Variants in HRAS observed in about 807,000 individuals in gnomAD.
HRAS encodes the protein GTPase HRas.
A neutral mutation model predicts 19.8 loss-of-function variants in HRAS; 11 were observed. That is an observed-to-expected ratio of 0.55 (90% CI 0.35 to 0.92). The LOEUF (loss-of-function observed/expected upper bound fraction) is 0.92, where lower values mean the gene tolerates loss of function less well. HRAS is among the 40% of genes least tolerant of loss of function. The probability of loss-of-function intolerance (pLI) is 0.01; values close to 1 mark genes in which losing one functional copy is unlikely to be tolerated. For synonymous variants in HRAS, 149 were observed against 105.5 expected (o/e 1.41, Z -2.52); for missense variants, 204 against 255.9 (o/e 0.80, Z 1.38).
chr11:532,882 G>A, intron 4 of HRAS, 127 bp from the exon 5 acceptor site: 2 of 912,928 alleles, frequency 2.2e-6, no homozygotes, highest in Non-Finnish European at 3.5e-6. Context: ...ACTTCCCCAG[G>A]CCCACCACAC....
intron 4 of HRAS, among the ~76,000 whole-genome samples, chr11:532,966 G>C (rs970285163): frequency 2.6e-5 from 4 of 152,196 alleles, no homozygotes; most frequent in Non-Finnish European, 5.9e-5. Context: ...GCCCCTCAAA[G>C]GTCAGGGTGG....
chr11:534,537 C>G (rs973701938), intron 1 of HRAS, 162 bp from the exon 2 acceptor site: 5 of 595,976 alleles, frequency 8.4e-6, no homozygotes, highest in Admixed American at 5.9e-5. Flanking sequence ...TGCAACCCAG[C>G]GTGCGGGAGG....
chr11:532,950 A>C (rs2133983474), intron 4 of HRAS, among the ~76,000 whole-genome samples, 195 bp from the exon 5 acceptor site: 2 of 152,270 alleles, frequency 1.3e-5, no homozygotes, highest in African/African-American at 2.4e-5. Flanking sequence ...GCATCATGCT[A>C]CAGCAGCCCC....
intron 4 of HRAS, 41 bp downstream of exon 4, chr11:533,412 G>A (rs747626031): frequency 4.3e-6 from 7 of 1,609,628 alleles, no homozygotes; most frequent in Middle Eastern, 1.7e-4. Context: ...GGCGGGGCGG[G>A]GCGGGTCCCT....
At chr11:534,657 G>A (rs1851344554) in intron 1 of HRAS, 1 of 422,240 alleles carries the variant, frequency 2.4e-6, no homozygotes, top group African/African-American at 2.0e-5. Context: ...ACCCAAATTA[G>A]AAGCTGCTGG....
In HRAS at chr11:533,774, G is replaced by A. The variant is rs375893752; in HGVS notation, c.282C>T (p.His94=). 1.7e-5 allele frequency: 28 copies of A among 1,613,328 alleles called. No homozygotes were observed. Among genetic ancestry groups the A allele is most frequent in the Non-Finnish European group, 2.2e-5 (26 of 1,179,994 alleles). ...AGCCTCACGGGGTTCACCTGTACTG[G>A]TGGATGTCCTCAAAAGACTTGGTGT... ...INNTKSFEDI[H]QYREQIKRVK... Residue 94 remains histidine (H), a synonymous_variant, in exon 3 of 6, where the codon CAC becomes CAT. Coordinates refer to ENST00000311189, the MANE Select transcript of HRAS (RefSeq NM_005343.4).
intron 4 of HRAS, 100 bp downstream of exon 4, chr11:533,353 G>A (rs1310647370): frequency 1.9e-6 from 3 of 1,606,372 alleles, no homozygotes; most frequent in Non-Finnish European, 8.5e-7. Context: ...AGCCAGAGCG[G>A]CTGCCCTGTG....
intron 4 of HRAS, chr11:533,146 G>A (rs573350498): frequency 2.3e-5 from 19 of 833,710 alleles, no homozygotes; most frequent in Middle Eastern, 3.6e-4. Context: ...TCACCGCTCC[G>A]GCCTGGCTCA....
rs1190177243 is a variant in HRAS, at chr11:533,751, C to G, written c.290+15G>C. 1 of 1,613,106 alleles carries G rather than the reference C, an allele frequency of 6.2e-7. No homozygotes were observed. Among genetic ancestry groups the G allele is most frequent in the Non-Finnish European group, 8.5e-7 (1 of 1,179,902 alleles). ...TGTGCGGCGTGGGCTCCCGGGCCAG[C>G]CTCACGGGGTTCACCTGTACTGGTG... is the stretch of plus-strand genomic sequence containing the variant. On this transcript the variant is annotated intron_variant, in intron 3 of 5. Transcript: ENST00000311189.
At chr11:532,814 G>A (rs948778387) in intron 4 of HRAS, 59 bp from the exon 5 acceptor site, 78 of 1,552,018 alleles carry the variant, frequency 5.0e-5, no homozygotes, top group South Asian at 4.0e-4. Context: ...CCTGGGTGAG[G>A]GGCTCCCTGC....
At chr11:533,364 TC>T in intron 4 of HRAS, 88 bp downstream of exon 4, 1 of 1,607,074 alleles carries the variant, frequency 6.2e-7, no homozygotes. Flanking sequence ...CTGCCCTGTG[TC>T]AAGGGAGAGG....
At chr11:533,684 G>A (rs1306708043) in intron 3 of HRAS, 72 bp from the exon 4 acceptor site, 7 of 1,611,308 alleles carry the variant, frequency 4.3e-6, no homozygotes, top group South Asian at 1.1e-5. Flanking sequence ...GCGCAGAGAG[G>A]ACAGGAGGCC....
In HRAS at chr11:534,372, C is replaced by T. The variant is rs775464454; in HGVS notation, c.-50G>A. 2.7e-6 allele frequency: 4 copies of T among 1,470,660 alleles called. No individual in the cohort carries two copies. Among genetic ancestry groups the T allele is most frequent in the Non-Finnish European group, 3.8e-6 (4 of 1,064,226 alleles). The allele number at this position is 1,470,660 out of a possible 1,614,324, so 91.1% of individuals were successfully genotyped here. On this transcript the variant is annotated 5_prime_UTR_variant, in exon 2 of 6. The change creates a premature stop within an existing upstream ORF in the 5' untranslated region. Coordinates refer to ENST00000311189, the MANE Select transcript of HRAS (RefSeq NM_005343.4). ...GGGTCCTCCTACAGGGTCTCCTGCC[C>T]CACCTGCCAAGGAGGGCCCTGCTCA...
In HRAS at chr11:532,763, A is replaced by G. The variant is rs373444310; in HGVS notation, c.451-8T>C. On this transcript the variant is annotated splice_polypyrimidine_tract_variant and splice_region_variant and intron_variant, in intron 4 of 5. Transcript: ENST00000311189. Reference sequence around the variant, plus strand: ...GAAGGCATCCTCCACTCCCTGGGAAAGGAGGGATGGGATCAGGAGGGACCG... The same window carrying G: ...GAAGGCATCCTCCACTCCCTGGGAAGGGAGGGATGGGATCAGGAGGGACCG... The G allele has an allele frequency of 2.4e-5, 39 of 1,611,940 alleles. No individual in the cohort carries two copies. The highest frequency in any genetic ancestry group is 3.3e-5 in the Non-Finnish European group (39 of 1,179,772).
In HRAS at chr11:535,509, T is replaced by A. The variant is rs972773673; in HGVS notation, c.-147A>T. ...CGCGCGGTTCGCCCCGCGCATGGGCTCCGTCCGCGGCGGGTGCGGCTCGGG... is the reference window on the plus strand; with the variant it reads ...CGCGCGGTTCGCCCCGCGCATGGGCACCGTCCGCGGCGGGTGCGGCTCGGG... On this transcript the variant is annotated 5_prime_UTR_variant, in exon 1 of 6. Coordinates refer to ENST00000311189, the MANE Select transcript of HRAS (RefSeq NM_005343.4). 5 of 147,456 alleles carry A rather than the reference T, an allele frequency of 3.4e-5. No individual in the cohort carries two copies. The highest frequency in any genetic ancestry group is 7.6e-5 in the Non-Finnish European group (5 of 66,090). 9.1% of individuals were successfully genotyped at this position (147,456 alleles called of 1,614,324 possible).
rs745497215 is a variant in HRAS, at chr11:532,746, C to T, written c.460G>A (p.Asp154Asn). 1.4e-5 allele frequency: 22 copies of T among 1,612,728 alleles called. No individual in the cohort carries two copies. The Admixed American group carries it at 1.7e-4, about 12-fold the overall frequency. Residue 154 changes from aspartate to asparagine, a missense_variant, in exon 5 of 6, where the codon GAT (aspartate) becomes AAT (asparagine). This residue lies in a region of HRAS where 142 missense variants were observed against 141.1 expected (regional missense o/e 1.01). Coordinates refer to ENST00000311189, the MANE Select transcript of HRAS (RefSeq NM_005343.4). Reference protein sequence around the residue: ...TSAKTRQGVEDAFYTLVREIR... With the variant: ...TSAKTRQGVENAFYTLVREIR... ...TCACGCACCAACGTGTAGAAGGCATCCTCCACTCCCTGGGAAAGGAGGGAT... is the reference window on the plus strand; with the variant it reads ...TCACGCACCAACGTGTAGAAGGCATTCTCCACTCCCTGGGAAAGGAGGGAT...
At chr11:533,699 C>T (rs2133988967) in intron 3 of HRAS, 67 bp downstream of exon 3, 1 of 1,611,424 alleles carries the variant, frequency 6.2e-7, no homozygotes, top group Admixed American at 1.7e-5. Flanking sequence ...GAGGCCCCTG[C>T]CTGGACGCAG....
In HRAS at chr11:533,819, C is replaced by T. The variant is rs767586105; in HGVS notation, c.237G>A (p.Leu79=). Reference sequence around the variant, plus strand: ...TGGTGTTGTTGATGGCAAACACACACAGGAAGCCCTCCCCGGTGCGCATGT... The same window carrying T: ...TGGTGTTGTTGATGGCAAACACACATAGGAAGCCCTCCCCGGTGCGCATGT... ...DQYMRTGEGF[L]CVFAINNTKS... Residue 79 remains leucine (L), a synonymous_variant, in exon 3 of 6, where the codon CTG becomes CTA. Transcript: ENST00000311189. 6 of 1,613,288 alleles carry T rather than the reference C, an allele frequency of 3.7e-6. No individual in the cohort carries two copies. The highest frequency in any genetic ancestry group is 4.2e-6 in the Non-Finnish European group (5 of 1,180,020).
intron 3 of HRAS, 69 bp from the exon 4 acceptor site, chr11:533,681 G>C: frequency 1.2e-6 from 2 of 1,611,576 alleles, no homozygotes; most frequent in South Asian, 2.2e-5. Context: ...CATGCGCAGA[G>C]AGGACAGGAG....
Sources: allele counts gnomAD v4.1 joint callset (sites outside exome capture counted in the v4.1 genomes callset), GRCh38; gene constraint gnomAD v4.1.1; regional missense constraint gnomAD v4.1.1; transcripts MANE v1.5; gene names NCBI Gene and HGNC (gene_info 2026-07-23, HGNC 2026-07-21).